DTNA: variants seen among roughly 807,000 people sequenced by gnomAD.
DTNA encodes the protein dystrophin-related protein 3.
In DTNA, 43 loss-of-function variants were observed where a neutral mutation model predicts 100.7. The ratio of observed to expected loss-of-function variants is 0.43; its 90% CI spans 0.33 to 0.55. The LOEUF is 0.55. Among genes scored for constraint, DTNA ranks in the 20% least tolerant of loss-of-function variants. DTNA has a pLI of 0.04. For synonymous variants in DTNA, 349 were observed against 347.9 expected, an observed-to-expected ratio of 1.00 and a Z score of -0.04; for missense variants, 798 against 953.9, an observed-to-expected ratio of 0.84 and a Z score of 2.15.
At position 34,800,783 on chromosome 18, in the gene DTNA, T is replaced by C. The variant is rs114611003; in HGVS notation, c.363-5436T>C. Among the ~76,000 whole-genome samples the C allele has an allele frequency of 3.8e-3, 578 of 152,328 alleles. 2 individuals carry two copies. Among genetic ancestry groups the C allele is most frequent in the Middle Eastern group, 0.014 (4 of 294 alleles). ...TTGTAACTTCAAACAGGAAACCCTG[T>C]TGGCAATTCGGAGACAATTTACCTC... On this transcript the variant is annotated intron_variant, in intron 4 of 22. Coordinates refer to ENST00000444659, the MANE Select transcript of DTNA (RefSeq NM_001386795.1).
intron 1 of DTNA, among the ~76,000 whole-genome samples, chr18:34,725,859 C>T (rs577180898): frequency 3.9e-5 from 6 of 152,168 alleles, no homozygotes; most frequent in African/African-American, 9.6e-5. Flanking sequence ...AAATGTCCAT[C>T]GATGATAGAC....
At chr18:34,744,540 A>G (rs950754114) in intron 1 of DTNA, among the ~76,000 whole-genome samples, 2 of 152,192 alleles carry the variant, frequency 1.3e-5, no homozygotes, top group Non-Finnish European at 2.9e-5. Flanking sequence ...AAGAAGGTGA[A>G]TAAAGGAACA....
intron 17 of DTNA, among the ~76,000 whole-genome samples, chr18:34,871,073 C>G (rs566841198): frequency 1.3e-5 from 2 of 152,302 alleles, no homozygotes; most frequent in Admixed American, 1.3e-4. Context: ...CTGCTAGGTG[C>G]GGCCAGGCAT....
intron 1 of DTNA, among the ~76,000 whole-genome samples, chr18:34,551,959 C>T (rs1452166141): frequency 6.6e-6 from 1 of 152,040 alleles, no homozygotes; most frequent in Non-Finnish European, 1.5e-5. Flanking sequence ...TAAACTAAGA[C>T]TCTTTTCCCA....
intron 1 of DTNA, among the ~76,000 whole-genome samples, chr18:34,688,666 T>C (rs887524815): frequency 1.3e-5 from 2 of 152,170 alleles, no homozygotes; most frequent in Non-Finnish European, 2.9e-5. Flanking sequence ...TTTTCTGTGT[T>C]TCCTGAATTT....
intron 1 of DTNA, among the ~76,000 whole-genome samples, chr18:34,553,378 G>A (rs1228412981): frequency 6.6e-6 from 1 of 150,644 alleles, no homozygotes; most frequent in African/African-American, 2.4e-5. Context: ...AAGCTCTTTA[G>A]TTTAATTAGA....
At chr18:34,575,364 TC>T (rs2048014894) in intron 1 of DTNA, among the ~76,000 whole-genome samples, 1 of 152,248 alleles carries the variant, frequency 6.6e-6, no homozygotes, top group South Asian at 2.1e-4. Context: ...AAACTCTTCA[TC>T]TAAGTTGTCT....
intron 1 of DTNA, among the ~76,000 whole-genome samples, chr18:34,747,488 C>A (rs184162102): frequency 1.3e-5 from 2 of 152,184 alleles, no homozygotes; most frequent in East Asian, 1.9e-4. Flanking sequence ...TTATCCCTCA[C>A]CTCCCTACCA....
intron 11 of DTNA, among the ~76,000 whole-genome samples, chr18:34,833,063 C>T (rs559952767): frequency 1.8e-4 from 28 of 151,970 alleles, no homozygotes; most frequent in African/African-American, 3.9e-4. Context: ...TTAACCATTG[C>T]GATAATTATT....
Position 34,747,555 on chromosome 18 carries a change from C to G in DTNA, c.-1-8421C>G, listed in dbSNP as rs188228505. ...TGTCGTTCTTATGCCTTTGCATCCTCATAGCTTAGCTCCCACTTAGAAGTG... is the reference window on the plus strand; with the variant it reads ...TGTCGTTCTTATGCCTTTGCATCCTGATAGCTTAGCTCCCACTTAGAAGTG... On this transcript the variant is annotated intron_variant, in intron 1 of 22. Transcript: ENST00000444659. 4.0e-4 allele frequency among the ~76,000 whole-genome samples: 61 copies of G among 152,264 alleles called. No homozygotes were observed. The East Asian group carries it at 5.6e-3, about 14-fold the overall frequency.
Position 34,817,059 on chromosome 18 carries a change from A to G in DTNA, c.709+1045A>G, listed in dbSNP as rs150518452. 9.3e-3 allele frequency among the ~76,000 whole-genome samples: 1,412 copies of G among 152,296 alleles called. 10 individuals are homozygous for G. Among genetic ancestry groups the G allele is most frequent in the Non-Finnish European group, 0.015 (1,002 of 68,018 alleles). On this transcript the variant is annotated intron_variant, in intron 7 of 22. Coordinates refer to ENST00000444659, the MANE Select transcript of DTNA (RefSeq NM_001386795.1). ...ACTGTTTACAGTTCTAGAACTAGTC[A>G]TTTTCCAATCATAAAGCTATAATTT... is the stretch of plus-strand genomic sequence containing the variant.
intron 1 of DTNA, among the ~76,000 whole-genome samples, chr18:34,718,678 G>T (rs1568308173): frequency 6.6e-6 from 1 of 152,178 alleles, no homozygotes; most frequent in African/African-American, 2.4e-5. Flanking sequence ...GGAGGAGGTG[G>T]AGTATGGTCT....
chr18:34,803,779 C>CA (rs2095287655), intron 4 of DTNA, among the ~76,000 whole-genome samples: 1 of 152,166 alleles, frequency 6.6e-6, no homozygotes, highest in Non-Finnish European at 1.5e-5. Flanking sequence ...CTGGTTTTTA[C>CA]AAAATCATTG....
At chr18:34,593,778 C>G (rs564122884) in intron 1 of DTNA, among the ~76,000 whole-genome samples, 2 of 152,094 alleles carry the variant, frequency 1.3e-5, no homozygotes, top group East Asian at 3.9e-4. Context: ...TTTGTTTTTC[C>G]CTCTATTCTT....
At chr18:34,506,850 T>C (rs2040542806) in intron 1 of DTNA, among the ~76,000 whole-genome samples, 1 of 152,158 alleles carries the variant, frequency 6.6e-6, no homozygotes. Flanking sequence ...GGGTTTCAGT[T>C]GTACTTAGTA....
chr18:34,820,103 C>T (rs973619250), intron 8 of DTNA, among the ~76,000 whole-genome samples: 1 of 151,668 alleles, frequency 6.6e-6, no homozygotes, highest in African/African-American at 2.4e-5. Flanking sequence ...ACAATCTAAA[C>T]GAAGAAGAGG....
At chr18:34,537,324 G>A (rs1248232889) in intron 1 of DTNA, among the ~76,000 whole-genome samples, 2 of 151,874 alleles carry the variant, frequency 1.3e-5, no homozygotes, top group East Asian at 1.9e-4. Flanking sequence ...TGCTGATATA[G>A]CAAACGTAAC....
At chr18:34,806,018 T>C (rs1387107128) in intron 4 of DTNA, among the ~76,000 whole-genome samples, 5 of 152,222 alleles carry the variant, frequency 3.3e-5, no homozygotes, top group Non-Finnish European at 5.9e-5. Context: ...AAACATTGAA[T>C]AGACAGTTCT....
intron 17 of DTNA, among the ~76,000 whole-genome samples, chr18:34,874,615 C>CA (rs1198170400): frequency 6.6e-6 from 1 of 151,940 alleles, no homozygotes; most frequent in Non-Finnish European, 1.5e-5. Flanking sequence ...GAAATAATAC[C>CA]AAAAAATTAG....
Sources: gnomAD v4.1 joint callset for allele counts (sites outside exome capture counted in the v4.1 genomes callset) on GRCh38, gnomAD v4.1.1 for gene constraint, MANE v1.5 for transcripts, NCBI Gene and HGNC (gene_info 2026-07-23, HGNC 2026-07-21) for gene names.